RARB: variants seen among roughly 807,000 people sequenced by gnomAD.
The protein encoded by RARB is retinoic acid receptor beta, also known as HBV-activated protein.
In RARB, 17 loss-of-function variants were observed where a neutral mutation model predicts 51.9. The observed-to-expected ratio is 0.33, with a 90% confidence interval of 0.22 to 0.49. The LOEUF (loss-of-function observed/expected upper bound fraction) is 0.49, where lower values mean the gene tolerates loss of function less well. Ranked by LOEUF, RARB falls within the 20% of genes least tolerant of loss-of-function variation. The pLI is 0.99. For missense variants in RARB, 369 were observed against 550.8 expected, an observed-to-expected ratio of 0.67 and a Z score of 3.30; for synonymous variants, 215 against 195.4, an observed-to-expected ratio of 1.10 and a Z score of -0.84.
At chr3:25,041,487 G>A (rs893038587) in intron 2 of RARB, among the ~76,000 whole-genome samples, 12 of 151,662 alleles carry the variant, frequency 7.9e-5, no homozygotes, top group South Asian at 2.1e-4. Flanking sequence ...CTTAGTGGAC[G>A]GAGGTGGAGG....
intron 5 of RARB, among the ~76,000 whole-genome samples, chr3:25,586,233 A>T (rs1053122531): frequency 6.6e-6 from 1 of 151,934 alleles, no homozygotes; most frequent in Non-Finnish European, 1.5e-5. Flanking sequence ...CTGAAATGCC[A>T]TCTCTTCAGA....
intron 5 of RARB, among the ~76,000 whole-genome samples, chr3:25,395,234 TCCCTTG>T (rs1364638761): frequency 6.6e-6 from 1 of 152,190 alleles, no homozygotes; most frequent in Non-Finnish European, 1.5e-5. Context: ...AGGACCCCAA[TCCCTTG>T]TGGCTTGAAG....
chr3:25,543,169 A>G (rs1171865673), intron 3 of RARB, among the ~76,000 whole-genome samples: 1 of 152,186 alleles, frequency 6.6e-6, no homozygotes, highest in Non-Finnish European at 1.5e-5. Context: ...TCATGCCAAG[A>G]CACTCATGTG....
chr3:25,090,907 A>T (rs1699186711), intron 3 of RARB, among the ~76,000 whole-genome samples: 1 of 152,140 alleles, frequency 6.6e-6, no homozygotes, highest in South Asian at 2.1e-4. Context: ...GTTTAAGATG[A>T]TCCGTGATTT....
At chr3:25,328,451 C>G (rs187156245) in intron 5 of RARB, among the ~76,000 whole-genome samples, 1 of 152,214 alleles carries the variant, frequency 6.6e-6, no homozygotes, top group Non-Finnish European at 1.5e-5. Context: ...ACCCAAGAAG[C>G]AGAGGTTGCA....
At chr3:25,033,342 AT>A (rs1697913909) in intron 2 of RARB, among the ~76,000 whole-genome samples, 1 of 152,198 alleles carries the variant, frequency 6.6e-6, no homozygotes, top group Non-Finnish European at 1.5e-5. Context: ...AGAATAAATT[AT>A]TTCTCATAGA....
At chr3:25,448,725 C>G (rs1709058289) in intron 1 of RARB, among the ~76,000 whole-genome samples, 1 of 152,142 alleles carries the variant, frequency 6.6e-6, no homozygotes, top group Admixed American at 6.5e-5. Flanking sequence ...TCTTGGCCTC[C>G]CAAACTGCTG....
At chr3:25,169,043 C>G (rs976021551) in intron 4 of RARB, among the ~76,000 whole-genome samples, 1 of 152,180 alleles carries the variant, frequency 6.6e-6, no homozygotes, top group African/African-American at 2.4e-5. Context: ...GCACAACATA[C>G]TTAAAACTCT....
At chr3:25,300,139 C>A (rs1205996886) in intron 5 of RARB, among the ~76,000 whole-genome samples, 1 of 152,164 alleles carries the variant, frequency 6.6e-6, no homozygotes, top group East Asian at 1.9e-4. Flanking sequence ...CTAAATTTAA[C>A]CTGTGTTTCT....
chr3:24,924,763 CA>C (rs1695282758), intron 2 of RARB, among the ~76,000 whole-genome samples: 1 of 152,082 alleles, frequency 6.6e-6, no homozygotes, highest in Non-Finnish European at 1.5e-5. Flanking sequence ...GCATGATCTG[CA>C]GGGCCCGAGC....
upstream of RARB, among the ~76,000 whole-genome samples, chr3:25,424,782 G>A (rs974591722): frequency 6.6e-6 from 1 of 152,174 alleles, no homozygotes; most frequent in Non-Finnish European, 1.5e-5. Context: ...GCACAGACAC[G>A]ACTGCTCTTT....
At chr3:24,893,155 G>C (rs1357384794) in intron 2 of RARB, among the ~76,000 whole-genome samples, 1 of 152,168 alleles carries the variant, frequency 6.6e-6, no homozygotes, top group Non-Finnish European at 1.5e-5. Context: ...TTTTACGATG[G>C]TTTCCCATCA....
At chr3:25,176,350 C>CTTTCTTTCTTTCT (rs1700749355) in intron 5 of RARB, among the ~76,000 whole-genome samples, 4 of 50,516 alleles carry the variant, frequency 7.9e-5, no homozygotes, top group South Asian at 6.3e-4. Flanking sequence ...TCCTTCCTTC[C>CTTTCTTTCTTTCT]TTCCTTCCTT....
intron 5 of RARB, among the ~76,000 whole-genome samples, chr3:25,244,230 A>C (rs902126297): frequency 1.4e-5 from 2 of 142,726 alleles, no homozygotes; most frequent in African/African-American, 5.2e-5. Context: ...CTAGCAGTCT[A>C]TTTTTTTAAT....
chr3:25,433,898 A>T (rs556973653), intron 1 of RARB, among the ~76,000 whole-genome samples: 2 of 152,362 alleles, frequency 1.3e-5, no homozygotes, highest in East Asian at 3.9e-4. Flanking sequence ...CTACCTAGGA[A>T]GCAGGAGAGC....
intron 2 of RARB, among the ~76,000 whole-genome samples, chr3:24,917,493 A>G (rs1480124447): frequency 2.0e-5 from 3 of 152,236 alleles, no homozygotes; most frequent in African/African-American, 7.2e-5. Context: ...TTGATTGAAT[A>G]GTCACTTCAT....
chr3:25,316,065 C>G (rs1559354654), intron 5 of RARB, among the ~76,000 whole-genome samples: 2 of 152,150 alleles, frequency 1.3e-5, no homozygotes, highest in Non-Finnish European at 2.9e-5. Context: ...AAAGAATATG[C>G]TCAGAAATAT....
rs112547837 is a variant in RARB at position 25,221,677 on chromosome 3, T to C, written c.178+47102T>C. Among the ~76,000 whole-genome samples, 886 of 152,304 alleles carry C rather than the reference T, an allele frequency of 5.8e-3. 16 individuals are homozygous for C. The highest frequency in any genetic ancestry group is 0.019 in the African/African-American group (786 of 41,572). ...TCTTAAAGAGAAGTCACTTCTCCTC[T>C]TCCCTCTCCCATCTCTTTTTAACCA... is the stretch of plus-strand genomic sequence containing the variant. On this transcript the variant is annotated intron_variant, in intron 5 of 11. Coordinates refer to the RARB transcript ENST00000383772.
At chr3:25,181,420 C>T (rs75685363) in intron 5 of RARB, among the ~76,000 whole-genome samples, 12 of 152,196 alleles carry the variant, frequency 7.9e-5, no homozygotes, top group Admixed American at 4.6e-4. Context: ...TTCATCTTTG[C>T]GGAATGATTG....
Sources: allele counts gnomAD v4.1 joint callset (sites outside exome capture counted in the v4.1 genomes callset), GRCh38; gene constraint gnomAD v4.1.1; transcripts MANE v1.5; gene names NCBI Gene and HGNC (gene_info 2026-07-23, HGNC 2026-07-21).